Variants in ADGRD1 observed in about 807,000 individuals in gnomAD.
The protein encoded by ADGRD1 is G-protein coupled receptor 133.
In ADGRD1, 77 loss-of-function variants were observed where a neutral mutation model predicts 113.4. That is an observed-to-expected ratio of 0.68 (90% CI 0.57 to 0.82). The LOEUF (loss-of-function observed/expected upper bound fraction) is 0.82. ADGRD1 is among the 40% of genes least tolerant of loss of function. ADGRD1 has a pLI of 0.00. For synonymous variants in ADGRD1, 474 were observed against 475.0 expected (o/e 1.00, Z 0.03); for missense variants, 1,036 against 1,139.1 (o/e 0.91, Z 1.30).
chr12:131,076,699 C>A, intron 13 of ADGRD1, 102 bp from the exon 14 acceptor site: 1 of 950,300 alleles, frequency 1.1e-6, no homozygotes, highest in Non-Finnish European at 1.7e-6. Flanking sequence ...CTGTCCCTAC[C>A]TGAGGTCGCC....
At chr12:131,049,438 C>CT (rs1467708524) in intron 13 of ADGRD1, among the ~76,000 whole-genome samples, 1 of 152,250 alleles carries the variant, frequency 6.6e-6, no homozygotes, top group East Asian at 1.9e-4. Context: ...TCCATGCCTA[C>CT]TTTTCCCTCA....
intron 2 of ADGRD1, among the ~76,000 whole-genome samples, chr12:130,964,478 G>C (rs1421890200): frequency 6.6e-6 from 1 of 152,108 alleles, no homozygotes; most frequent in Non-Finnish European, 1.5e-5. Flanking sequence ...CTGAGGTCAG[G>C]AGTTCGAGAC....
chr12:131,015,638 G>GGAGTT (rs1878482054), intron 13 of ADGRD1, among the ~76,000 whole-genome samples: 1 of 151,936 alleles, frequency 6.6e-6, no homozygotes, highest in Non-Finnish European at 1.5e-5. Context: ...AGATGGAGAT[G>GGAGTT]GGAATGGAGA....
intron 18 of ADGRD1, among the ~76,000 whole-genome samples, chr12:131,116,560 G>A (rs1209495139): frequency 1.4e-5 from 2 of 142,230 alleles, no homozygotes; most frequent in Non-Finnish European, 2.9e-5. Context: ...TGGGTGCCAG[G>A]AGCCACCTTC....
intron 14 of ADGRD1, among the ~76,000 whole-genome samples, chr12:131,077,394 C>T (rs1195717370): frequency 6.6e-6 from 1 of 152,204 alleles, no homozygotes; most frequent in African/African-American, 2.4e-5. Context: ...TCCTCCCCAG[C>T]ATCTCCCATG....
intron 4 of ADGRD1, chr12:130,973,272 T>C (rs1462913472): frequency 6.6e-6 from 1 of 152,256 alleles, no homozygotes; most frequent in Non-Finnish European, 1.5e-5. Context: ...CACTTCCGGT[T>C]CCGACCTGTT....
At chr12:131,103,720 T>C (rs1306969541) in intron 15 of ADGRD1, among the ~76,000 whole-genome samples, 1 of 152,194 alleles carries the variant, frequency 6.6e-6, no homozygotes, top group African/African-American at 2.4e-5. Context: ...CCTACCCGCA[T>C]GCCACAGGAG....
chr12:131,068,179 C>T (rs58045012), intron 13 of ADGRD1, among the ~76,000 whole-genome samples: 1,759 of 152,282 alleles, frequency 0.012, 39 homozygotes, highest in African/African-American at 0.04. Context: ...CTTGGAATCC[C>T]GGACAGGCAG....
chr12:131,092,083 C>T (rs1184755333), intron 15 of ADGRD1: 1 of 152,262 alleles, frequency 6.6e-6, no homozygotes, highest in African/African-American at 2.4e-5. Context: ...CATGCTGGCA[C>T]AACTGGTCTG....
chr12:131,136,236 T>A, intron 22 of ADGRD1, 73 bp downstream of exon 22: 1 of 1,574,394 alleles, frequency 6.4e-7, no homozygotes, highest in Non-Finnish European at 8.6e-7. Flanking sequence ...GAGCTAGGGC[T>A]GCAGGGGCAG....
chr12:130,992,120 CAAAA>C (rs5801945), intron 7 of ADGRD1, 113 bp from the exon 8 acceptor site: 18,721 of 645,522 alleles, frequency 0.029, 1 homozygote, highest in Non-Finnish European at 0.034. Flanking sequence ...GACTCAGTCT[CAAAA>C]AAAAAAAAAA....
chr12:131,012,673 C>T (rs936303595), intron 12 of ADGRD1, among the ~76,000 whole-genome samples: 2 of 152,112 alleles, frequency 1.3e-5, no homozygotes, highest in African/African-American at 4.8e-5. Flanking sequence ...CAGGCAGGGT[C>T]ACTGAACACG....
chr12:131,004,835 C>A (rs931221145), intron 11 of ADGRD1, among the ~76,000 whole-genome samples: 2 of 152,188 alleles, frequency 1.3e-5, no homozygotes, highest in Non-Finnish European at 2.9e-5. Context: ...CTGCCTCTGA[C>A]CAGGGAGCCC....
At chr12:131,073,792 C>T (rs749075516) in intron 13 of ADGRD1, among the ~76,000 whole-genome samples, 10 of 152,074 alleles carry the variant, frequency 6.6e-5, no homozygotes, top group South Asian at 2.1e-4. Flanking sequence ...ACTGCAAGAG[C>T]GAGTCGAGCT....
chr12:131,068,898 G>A (rs768337038), intron 13 of ADGRD1, among the ~76,000 whole-genome samples: 11 of 152,220 alleles, frequency 7.2e-5, no homozygotes, highest in Non-Finnish European at 1.5e-4. Flanking sequence ...TATAGGTATT[G>A]CTTTTCTGGA....
chr12:131,122,371 G>T lies in ADGRD1; in HGVS notation c.2175+1458G>T, dbSNP rs534405403. 4.1e-3 allele frequency among the ~76,000 whole-genome samples: 631 copies of T among 152,164 alleles called. 1 individual carries two copies. Among genetic ancestry groups the T allele is most frequent in the Non-Finnish European group, 5.8e-3 (395 of 68,028 alleles). On this transcript the variant is annotated intron_variant, in intron 20 of 24. Transcript: ENST00000261654. ...GTCAGCTGCAGAGGGGACGCCTTTG[G>T]GGCTGCGCGCTTGAGCTCTTAGGGT...
chr12:131,122,419 G>A (rs1444665859), intron 20 of ADGRD1, among the ~76,000 whole-genome samples: 8 of 152,138 alleles, frequency 5.3e-5, no homozygotes, highest in African/African-American at 1.9e-4. Flanking sequence ...GCGCCTCCCC[G>A]GGGCTGCGTG....
chr12:131,132,209 C>T (rs1451841285), intron 21 of ADGRD1, among the ~76,000 whole-genome samples: 1 of 152,198 alleles, frequency 6.6e-6, no homozygotes, highest in Non-Finnish European at 1.5e-5. Flanking sequence ...ACCTCGCCTT[C>T]CTCACGTGCA....
intron 5 of ADGRD1, 176 bp from the exon 6 acceptor site, chr12:130,986,919 G>A (rs1873760671): frequency 5.0e-6 from 3 of 596,816 alleles, no homozygotes; most frequent in Non-Finnish European, 8.9e-6. Context: ...CATCCTTCCT[G>A]TGCTCCAAAG....
Sources: allele counts gnomAD v4.1 joint callset (sites outside exome capture counted in the v4.1 genomes callset), GRCh38; gene constraint gnomAD v4.1.1; transcripts MANE v1.5; gene names NCBI Gene and HGNC (gene_info 2026-07-23, HGNC 2026-07-21).